The following PRH1 variants were observed in gnomAD, a reference collection of about 807,000 sequenced individuals.
PRH1 encodes the protein salivary acidic proline-rich phosphoprotein 1/2.
Under a neutral mutation model 7.9 loss-of-function variants are expected in PRH1, and 7 were observed. That is an observed-to-expected ratio of 0.89 (90% CI 0.50 to 1.67). The LOEUF (loss-of-function observed/expected upper bound fraction) is 1.67, where lower values mean the gene tolerates loss of function less well. Ranked by LOEUF, PRH1 falls within the 40% of genes most tolerant of loss-of-function variation. The pLI is 0.00. For missense variants in PRH1, 109 were observed against 223.6 expected, an observed-to-expected ratio of 0.49 and a Z score of 3.27; for synonymous variants, 45 against 80.8, an observed-to-expected ratio of 0.56 and a Z score of 2.38.
chr12:10,995,995 T>C (rs1940207787), intron 1 of PRH1, among the ~76,000 whole-genome samples: 1 of 152,068 alleles, frequency 6.6e-6, no homozygotes, highest in African/African-American at 2.4e-5. Context: ...TTGTGCATTG[T>C]TATCTAACAA....
intron 1 of PRH1, among the ~76,000 whole-genome samples, chr12:11,059,732 G>T (rs1047120987): frequency 1.3e-5 from 2 of 149,120 alleles, no homozygotes; most frequent in Non-Finnish European, 3.0e-5. Context: ...TTTCCTCTGC[G>T]GAAGGATTCT....
rs1220896117 is a variant in PRH1 at position 10,907,295 on chromosome 12, A to G, written c.-58-23020T>C. On this transcript the variant is annotated intron_variant, in intron 2 of 3. Coordinates refer to the PRH1 transcript ENST00000539853. ...TATCCAGAAGAAGAGAAATACATGA[A>G]TGTTGATATCAGTTTTATTTATAAT... Among the ~76,000 whole-genome samples the G allele has an allele frequency of 3.9e-5, 6 of 152,334 alleles. No homozygotes were observed. The East Asian group carries it at 1.2e-3, about 29-fold the overall frequency.
At chr12:10,916,808 G>C (rs561607957) in intron 2 of PRH1, among the ~76,000 whole-genome samples, 2 of 152,048 alleles carry the variant, frequency 1.3e-5, no homozygotes, top group Admixed American at 1.3e-4. Flanking sequence ...AGCATTTTGG[G>C]AGGCCAAAAT....
chr12:10,986,587 T>G (rs1939643166), intron 1 of PRH1: 1 of 1,614,118 alleles, frequency 6.2e-7, no homozygotes, highest in African/African-American at 1.3e-5. Flanking sequence ...CTGAAATGGT[T>G]GGTTACAACC....
At chr12:11,152,710 C>T (rs1396659763) in intron 1 of PRH1, among the ~76,000 whole-genome samples, 1 of 152,192 alleles carries the variant, frequency 6.6e-6, no homozygotes, top group East Asian at 1.9e-4. Context: ...CCACTGTGGG[C>T]AAAGTATAAT....
intron 1 of PRH1, among the ~76,000 whole-genome samples, chr12:11,069,211 C>A (rs559716160): frequency 2.0e-5 from 3 of 151,366 alleles, no homozygotes; most frequent in South Asian, 4.2e-4. Flanking sequence ...GCCACAGCAT[C>A]CAACCTGGTA....
rs140760899 is a variant in PRH1 at position 11,120,972 on chromosome 12, T to C, written n.248A>G. ...GGAGCACATTTCTAAATGATCAAGA[T>C]TGGTGGTTTGAAAACATATCCAAGT... On this transcript the variant is annotated non_coding_transcript_exon_variant, in exon 2 of 2. Coordinates refer to the PRH1 transcript ENST00000541175. The C allele has an allele frequency of 3.9e-5, 6 of 155,042 alleles. No homozygotes were observed. In the Admixed American group the frequency reaches 3.9e-4, roughly 10 times the overall value. The allele number at this position is 155,042 out of a possible 1,614,324, so 9.6% of individuals were successfully genotyped here.
chr12:10,996,944 A>C lies in PRH1; in HGVS notation c.-125-23223T>G, dbSNP rs140189085. 7.3e-4 allele frequency: 1,164 copies of C among 1,595,440 alleles called. 4 individuals are homozygous for C. Among genetic ancestry groups the C allele is most frequent in the South Asian group, 5.4e-3 (479 of 88,526 alleles). On this transcript the variant is annotated intron_variant, in intron 1 of 3. Transcript: ENST00000539853. ...AAAACACACAATGCACCTCTTGTGA[A>C]TCTATGGAGTTGACTGGTTCTGTCC...
At chr12:10,966,976 C>A (rs2052180) in intron 2 of PRH1, among the ~76,000 whole-genome samples, 1 of 152,056 alleles carries the variant, frequency 6.6e-6, no homozygotes, top group South Asian at 2.1e-4. Flanking sequence ...TTAGCCAGGC[C>A]TGGTGGCGGG....
intron 1 of PRH1, among the ~76,000 whole-genome samples, chr12:11,045,109 G>A (rs1942856864): frequency 6.6e-6 from 1 of 152,090 alleles, no homozygotes; most frequent in African/African-American, 2.4e-5. Flanking sequence ...TATACACAAT[G>A]GAGTACAATT....
At chr12:11,030,761 A>G in intron 1 of PRH1, 2 of 1,614,218 alleles carry the variant, frequency 1.2e-6, no homozygotes, top group Non-Finnish European at 1.7e-6. Flanking sequence ...AAAACATAGC[A>G]GGGTCAGAGT....
intron 1 of PRH1, among the ~76,000 whole-genome samples, chr12:11,001,001 G>A (rs972125712): frequency 7.5e-6 from 1 of 134,214 alleles, no homozygotes; most frequent in African/African-American, 2.4e-5. Context: ...TCAGTTGGTT[G>A]GCTTTGTTTT....
intron 2 of PRH1, among the ~76,000 whole-genome samples, chr12:10,910,457 A>C (rs924358054): frequency 6.6e-6 from 1 of 152,176 alleles, no homozygotes; most frequent in Admixed American, 6.6e-5. Context: ...CCCTGTATCT[A>C]AAATAAATAA....
intron 1 of PRH1, among the ~76,000 whole-genome samples, chr12:10,988,718 G>C (rs1288797454): frequency 6.6e-6 from 1 of 151,958 alleles, no homozygotes; most frequent in Non-Finnish European, 1.5e-5. Flanking sequence ...AATAGCCTAG[G>C]TCCACCTCCA....
intron 1 of PRH1, among the ~76,000 whole-genome samples, chr12:11,107,654 G>C (rs1252741822): frequency 1.3e-5 from 2 of 152,166 alleles, no homozygotes; most frequent in African/African-American, 4.8e-5. Context: ...TTCCTTCAAA[G>C]CTGCACGAAT....
intron 1 of PRH1, chr12:11,077,360 A>G: frequency 2.5e-6 from 1 of 398,916 alleles, no homozygotes; most frequent in East Asian, 3.3e-5. Context: ...GTGACCTGAC[A>G]TAAAACTGAA....
At chr12:11,088,015 T>A (rs1339800055) in intron 1 of PRH1, among the ~76,000 whole-genome samples, 1 of 122,426 alleles carries the variant, frequency 8.2e-6, no homozygotes, top group Non-Finnish European at 1.9e-5. Flanking sequence ...TTAATTTACA[T>A]TTTTTAAAAC....
chr12:10,977,237 A>G (rs543800761), intron 1 of PRH1, among the ~76,000 whole-genome samples: 102 of 152,232 alleles, frequency 6.7e-4, no homozygotes, highest in South Asian at 1.9e-3. Context: ...AGGCTTTATC[A>G]CTAACATACA....
chr12:10,949,820 C>G (rs1434213095), intron 2 of PRH1, among the ~76,000 whole-genome samples: 2 of 152,018 alleles, frequency 1.3e-5, no homozygotes, highest in East Asian at 3.8e-4. Flanking sequence ...CCATATATAC[C>G]TTCTTGTTGA....
Sources: allele counts gnomAD v4.1 joint callset (sites outside exome capture counted in the v4.1 genomes callset), GRCh38; gene constraint gnomAD v4.1.1; transcripts MANE v1.5; gene names NCBI Gene and HGNC (gene_info 2026-07-23, HGNC 2026-07-21).